The following LINGO1 variants were observed in gnomAD, a reference collection of about 807,000 sequenced individuals.
LINGO1 encodes leucine rich repeat and Ig domain containing 1.
A neutral mutation model predicts 37.3 loss-of-function variants in LINGO1; 11 were observed. The observed-to-expected ratio is 0.29, with a 90% CI of 0.19 to 0.49. LINGO1 has a LOEUF of 0.49. LINGO1 is among the 20% of genes least tolerant of loss of function. The pLI is 0.99. For missense variants in LINGO1, 585 were observed against 878.2 expected (o/e 0.67, Z 4.22); for synonymous variants, 387 against 403.0 (o/e 0.96, Z 0.48).
intron 1 of LINGO1, among the ~76,000 whole-genome samples, chr15:77,772,026 C>G (rs2076591025): frequency 2.0e-5 from 3 of 152,226 alleles, no homozygotes; most frequent in Admixed American, 2.0e-4. Flanking sequence ...GGACACCCAC[C>G]TCCACTGTGT....
chr15:77,668,372 T>C (rs1342203386), intron 3 of LINGO1, among the ~76,000 whole-genome samples: 4 of 152,288 alleles, frequency 2.6e-5, no homozygotes, highest in South Asian at 4.2e-4. Flanking sequence ...GTGTAGTTGG[T>C]CTGGTGTCTC....
intron 3 of LINGO1, among the ~76,000 whole-genome samples, chr15:77,657,069 C>T (rs534723507): frequency 1.6e-4 from 25 of 152,300 alleles, no homozygotes; most frequent in African/African-American, 5.1e-4. Flanking sequence ...TCTTGGTTTT[C>T]GAGGACAGTT....
At chr15:77,708,056 T>C (rs1183906409) in intron 2 of LINGO1, among the ~76,000 whole-genome samples, 1 of 152,198 alleles carries the variant, frequency 6.6e-6, no homozygotes, top group Non-Finnish European at 1.5e-5. Flanking sequence ...CACAAGGTAA[T>C]TACAGTTCTT....
intron 1 of LINGO1, chr15:77,784,721 T>C (rs1202102823): frequency 6.8e-6 from 1 of 147,022 alleles, no homozygotes; most frequent in East Asian, 2.0e-4. Flanking sequence ...GAGGCATGAG[T>C]AGTCTTACAC....
intron 2 of LINGO1, among the ~76,000 whole-genome samples, chr15:77,723,609 A>C (rs2076072956): frequency 6.6e-6 from 1 of 152,164 alleles, no homozygotes; most frequent in South Asian, 2.1e-4. Context: ...AAAACAAGTG[A>C]GTGCACAGCC....
Position 77,624,163 on chromosome 15 carries a change from CTGTG to C in LINGO1, c.6+8143_6+8146del, listed in dbSNP as rs56162459. Among the ~76,000 whole-genome samples, 1,105 of 131,218 alleles carry C rather than the reference CTGTG, an allele frequency of 8.4e-3. 2 individuals are homozygous for C. The highest frequency in any genetic ancestry group is 0.021 in the South Asian group (79 of 3,732). The allele number at this position is 131,218 out of a possible 152,430, so 86.1% of individuals were successfully genotyped here. On this transcript the variant is annotated intron_variant, in intron 1 of 1. Transcript: ENST00000355300. ...TGTGTGTGATGTGTGTGAGTGGCCTCTGTGTGTGTGTGTGTGTGTGTGTGTGTGT... is the reference window on the plus strand; with the variant it reads ...TGTGTGTGATGTGTGTGAGTGGCCTCTGTGTGTGTGTGTGTGTGTGTGTGT...
At chr15:77,799,537 C>T (rs1006725818) in intron 1 of LINGO1, among the ~76,000 whole-genome samples, 6 of 152,188 alleles carry the variant, frequency 3.9e-5, no homozygotes, top group African/African-American at 1.4e-4. Flanking sequence ...GCCTTGCTAC[C>T]CAGAAGTAAC....
chr15:77,655,135 A>G (rs1177698804), intron 3 of LINGO1, among the ~76,000 whole-genome samples: 1 of 152,206 alleles, frequency 6.6e-6, no homozygotes, highest in Non-Finnish European at 1.5e-5. Context: ...TGAGAGAGCA[A>G]TGTCGCAGTG....
rs55948223 is a variant in LINGO1 at position 77,804,186 on chromosome 15, C to T, written c.-457-8133G>A. On this transcript the variant is annotated intron_variant, in intron 1 of 5. Transcript: ENST00000562933. ...ATTCACATGCAGGAGGGGCTGGGCCCCCATCTCTAACACAGGGCCATGGCT... is the reference window on the plus strand; with the variant it reads ...ATTCACATGCAGGAGGGGCTGGGCCTCCATCTCTAACACAGGGCCATGGCT... 1.7e-3 allele frequency among the ~76,000 whole-genome samples: 254 copies of T among 152,274 alleles called. 1 individual carries two copies. The highest frequency in any genetic ancestry group is 5.7e-3 in the African/African-American group (235 of 41,548).
intron 1 of LINGO1, among the ~76,000 whole-genome samples, chr15:77,765,774 C>T (rs1012791025): frequency 1.3e-5 from 2 of 152,208 alleles, no homozygotes; most frequent in South Asian, 2.1e-4. Flanking sequence ...CTCTCCCACT[C>T]GCTCCAGAAG....
chr15:77,772,697 T>C (rs1334421974), intron 1 of LINGO1, among the ~76,000 whole-genome samples: 1 of 152,102 alleles, frequency 6.6e-6, no homozygotes, highest in East Asian at 1.9e-4. Context: ...ATTAACACAT[T>C]TTTTTCCTTC....
chr15:77,774,227 G>A (rs1414603678), intron 1 of LINGO1, among the ~76,000 whole-genome samples: 1 of 152,020 alleles, frequency 6.6e-6, no homozygotes, highest in Non-Finnish European at 1.5e-5. Flanking sequence ...ACAGGTGAGC[G>A]GGGGAATGGG....
At chr15:77,629,080 A>T (rs1186046965) in intron 1 of LINGO1, among the ~76,000 whole-genome samples, 3 of 152,218 alleles carry the variant, frequency 2.0e-5, no homozygotes, top group African/African-American at 7.2e-5. Context: ...ATAGATAAGG[A>T]AACAGGCCCA....
chr15:77,709,250 A>G (rs2075889671), intron 2 of LINGO1, among the ~76,000 whole-genome samples: 1 of 152,206 alleles, frequency 6.6e-6, no homozygotes, highest in Admixed American at 6.5e-5. Context: ...TGGCCTTAAA[A>G]TGGGGTGAGC....
Position 77,621,058 on chromosome 15 carries a change from C to CTTTT in LINGO1, c.7-5162_7-5159dup, listed in dbSNP as rs72415268. Among the ~76,000 whole-genome samples the CTTTT allele has an allele frequency of 9.8e-3, 1,456 of 148,440 alleles. 16 individuals carry two copies. The highest frequency in any genetic ancestry group is 0.034 in the African/African-American group (1,360 of 39,986). On this transcript the variant is annotated intron_variant, in intron 1 of 1. Coordinates refer to ENST00000355300, the MANE Select transcript of LINGO1 (RefSeq NM_032808.7). The stretch of plus-strand genomic sequence containing the variant: ...CCCTGCTATGGGCCAGGTTTGGGGC[C>CTTTT]TTTTTTTTTTCTTTTAGATGGAGTC...
chr15:77,784,701 C>T (rs2076754258), intron 1 of LINGO1: 1 of 152,082 alleles, frequency 6.6e-6, no homozygotes, highest in African/African-American at 2.4e-5. Context: ...AAGCCTCTCT[C>T]GGTGGCTCAG....
At chr15:77,620,368 G>A (rs1376196024) in intron 1 of LINGO1, among the ~76,000 whole-genome samples, 2 of 152,232 alleles carry the variant, frequency 1.3e-5, no homozygotes, top group African/African-American at 4.8e-5. Context: ...CTCAGGCAGT[G>A]GGGGACACTG....
chr15:77,737,966 C>T lies in LINGO1; in HGVS notation c.-256-2913G>A, dbSNP rs1453855386. On this transcript the variant is annotated intron_variant, in intron 1 of 3. Coordinates refer to the LINGO1 transcript ENST00000561686. ...CTCAGCTCCCTCCTGAATGCCAGTTCGTGTTCAGAGGCCTATTTGTCATCT... is the reference window on the plus strand; with the variant it reads ...CTCAGCTCCCTCCTGAATGCCAGTTTGTGTTCAGAGGCCTATTTGTCATCT... Among the ~76,000 whole-genome samples, 3 of 152,168 alleles carry T rather than the reference C, an allele frequency of 2.0e-5. No homozygotes were observed. In the East Asian group the frequency reaches 5.8e-4, roughly 29 times the overall value.
chr15:77,804,870 C>G (rs929423201), intron 1 of LINGO1, among the ~76,000 whole-genome samples: 1 of 152,206 alleles, frequency 6.6e-6, no homozygotes, highest in Non-Finnish European at 1.5e-5. Flanking sequence ...ATAGAAATGA[C>G]AGGAGTGAGA....
Sources: allele counts gnomAD v4.1 joint callset (sites outside exome capture counted in the v4.1 genomes callset), GRCh38; gene constraint gnomAD v4.1.1; transcripts MANE v1.5; gene names NCBI Gene and HGNC (gene_info 2026-07-23, HGNC 2026-07-21).